The following CCIN variants were observed in gnomAD, a reference collection of about 807,000 sequenced individuals.
CCIN encodes the protein calicin.
Under a neutral mutation model 32.2 loss-of-function variants are expected in CCIN, and 15 were observed. The observed-to-expected ratio is 0.47, with a 90% CI of 0.31 to 0.72. The LOEUF (loss-of-function observed/expected upper bound fraction) is 0.72, where lower values mean the gene tolerates loss of function less well. CCIN is among the 30% of genes least tolerant of loss of function. The pLI is 0.05. For missense variants in CCIN, 623 were observed against 759.4 expected, an observed-to-expected ratio of 0.82 and a Z score of 2.11; for synonymous variants, 302 against 297.4, an observed-to-expected ratio of 1.02 and a Z score of -0.16.
In CCIN at chr9:36,170,729, G is replaced by A; in HGVS notation, c.1227G>A (p.Met409Ile). The change falls in exon 1 of 1, where the codon ATG (methionine) becomes ATA (isoleucine). Residue 409 changes from methionine to isoleucine, a missense_variant. Physicochemically the swap from Met to Ile is conservative, Grantham distance 10. Coordinates refer to ENST00000335119, the MANE Select transcript of CCIN (RefSeq NM_005893.3). ...AAGTCTGGTGCCTGGCAGGAAAGAT[G>A]AGCATCCCCATGGATGGCACCGCCG... ...RKEVWCLAGK[M>I]SIPMDGTAVI... The A allele has an allele frequency of 6.2e-7, 1 of 1,614,282 alleles. No homozygotes were observed.
chr9:36,170,534 A>C lies in CCIN; in HGVS notation c.1032A>C (p.Thr344=). The change falls in exon 1 of 1, where the codon ACA becomes ACC. Residue 344 remains threonine (T), a synonymous_variant. Coordinates refer to ENST00000335119, the MANE Select transcript of CCIN (RefSeq NM_005893.3). ...CTGAGCAGATTTCAGGGCTGAAGAC[A>C]GCCTGGCGGTATGACATGGATGACA... The part of the protein sequence containing the change: ...GTTEQISGLK[T]AWRYDMDDNS... 1 of 1,614,188 alleles carries C rather than the reference A, an allele frequency of 6.2e-7. No homozygotes were observed.
chr9:36,169,749 G>C lies in CCIN; in HGVS notation c.247G>C (p.Asp83His). 1 of 1,614,162 alleles carries C rather than the reference G, an allele frequency of 6.2e-7. No homozygotes were observed. Among genetic ancestry groups the C allele is most frequent in the Non-Finnish European group, 8.5e-7 (1 of 1,180,030 alleles). ...CAGTTACCTGAGCCCGGTCACAGTG[G>C]ACCAGCTTCTGGACTACTTCTATAG... is the stretch of plus-strand genomic sequence containing the variant. Reference protein sequence around the residue: ...DTSYLSPVTVDQLLDYFYSGK... With the variant: ...DTSYLSPVTVHQLLDYFYSGK... The change falls in exon 1 of 1, where the codon GAC becomes CAC. Residue 83 changes from aspartate (D) to histidine (H), a missense_variant. Coordinates refer to ENST00000335119, the MANE Select transcript of CCIN (RefSeq NM_005893.3).
At position 36,169,652 on chromosome 9, in the gene CCIN, C is replaced by T. The variant is rs766610144; in HGVS notation, c.150C>T (p.Ser50=). ...FAHRNVLAAV[S]PLVRSLISSN... ...ATCGCAATGTGCTGGCTGCTGTCTCCCCACTGGTGAGGAGCCTCATCTCCA... is the reference window on the plus strand; with the variant it reads ...ATCGCAATGTGCTGGCTGCTGTCTCTCCACTGGTGAGGAGCCTCATCTCCA... Residue 50 remains serine, a synonymous_variant, in exon 1 of 1, where the codon TCC becomes TCT. Transcript: ENST00000335119. 8.1e-6 allele frequency: 13 copies of T among 1,614,192 alleles called. No homozygotes were observed. The highest frequency in any genetic ancestry group is 1.1e-5 in the South Asian group (1 of 91,086).
Position 36,170,272 on chromosome 9 carries a change from T to C in CCIN, c.770T>C (p.Leu257Pro). The change falls in exon 1 of 1, where the codon CTG becomes CCG. Residue 257 changes from leucine (L) to proline (P), a missense_variant. By Grantham distance (98) the Leu-to-Pro change is moderately conservative. Transcript: ENST00000335119. ...SSHTTLIESV[L>P]MDRKQERPCS... ...CATACAACCCTGATTGAGAGTGTCC[T>C]GATGGACCGCAAGCAGGAGCGGCCA... 6.2e-7 allele frequency: 1 copy of C among 1,614,138 alleles called. No homozygotes were observed. The highest frequency in any genetic ancestry group is 1.1e-5 in the South Asian group (1 of 91,080).
At position 36,170,602 on chromosome 9, in the gene CCIN, T is replaced by C. The variant is rs1251308884; in HGVS notation, c.1100T>C (p.Phe367Ser). The part of the protein sequence containing the change: ...KLPDLPIGLV[F>S]HTMVTCGGTV... ...CCTGACCTGCCCATCGGGCTTGTCT[T>C]CCACACCATGGTGACCTGTGGGGGG... The change falls in exon 1 of 1, where the codon TTC (phenylalanine) becomes TCC (serine). Residue 367 changes from phenylalanine to serine, a missense_variant. Physicochemically the swap from Phe to Ser is radical, Grantham distance 155. Transcript: ENST00000335119. 6.2e-7 allele frequency: 1 copy of C among 1,614,028 alleles called. No homozygotes were observed. The highest frequency in any genetic ancestry group is 1.7e-5 in the Admixed American group (1 of 59,966).
chr9:36,171,110 C>T lies in CCIN; in HGVS notation c.1608C>T (p.Ala536=), dbSNP rs112488545. 688 of 1,614,170 alleles carry T rather than the reference C, an allele frequency of 4.3e-4. 4 individuals are homozygous for T. The African/African-American group carries it at 7.1e-3, about 17-fold the overall frequency. The stretch of plus-strand genomic sequence containing the variant: ...TTGTATGTGGGGGTGTCACCACTGC[C>T]AGCGATGTCCAGACAAAGGACTACA... The part of the protein sequence containing the change: ...KVFVCGGVTT[A]SDVQTKDYTI... Residue 536 remains alanine (A), a synonymous_variant, in exon 1 of 1, where the codon GCC becomes GCT. Coordinates refer to ENST00000335119, the MANE Select transcript of CCIN (RefSeq NM_005893.3).
rs1826305414 is a variant in CCIN, at chr9:36,170,836, T to A, written c.1334T>A (p.Val445Glu). Reference protein sequence around the residue: ...VKGYISRVGVVDCFDTSTGDV... With the variant: ...VKGYISRVGVEDCFDTSTGDV... The stretch of plus-strand genomic sequence containing the variant: ...GGTTATATCTCCCGGGTCGGGGTAG[T>A]GGACTGCTTTGACACCAGCACTGGG... The change falls in exon 1 of 1, where the codon GTG (valine) becomes GAG (glutamate). Residue 445 changes from valine to glutamate, a missense_variant. Transcript: ENST00000335119. The A allele has an allele frequency of 1.9e-6, 3 of 1,614,252 alleles. No homozygotes were observed. The highest frequency in any genetic ancestry group is 2.5e-6 in the Non-Finnish European group (3 of 1,180,044).
rs1385972178 is a variant in CCIN at position 36,171,117 on chromosome 9, G to A, written c.1615G>A (p.Val539Ile). ...TGGGGGTGTCACCACTGCCAGCGAT[G>A]TCCAGACAAAGGACTACACCATCAA... ...VCGGVTTASD[V>I]QTKDYTINPN... Residue 539 changes from valine (V) to isoleucine (I), a missense_variant, in exon 1 of 1, where the codon GTC (valine) becomes ATC (isoleucine). Val to Ile is a conservative substitution (Grantham distance 29, BLOSUM62 3). Transcript: ENST00000335119. The A allele has an allele frequency of 8.1e-6, 13 of 1,614,172 alleles. No homozygotes were observed. The highest frequency in any genetic ancestry group is 1.1e-5 in the Non-Finnish European group (13 of 1,180,014).
In CCIN at chr9:36,171,005, C is replaced by T. The variant is rs773964161; in HGVS notation, c.1503C>T (p.Thr501=). 1 of 1,614,210 alleles carries T rather than the reference C, an allele frequency of 6.2e-7. No homozygotes were observed. The change falls in exon 1 of 1, where the codon ACC becomes ACT. Residue 501 remains threonine, a synonymous_variant. Coordinates refer to ENST00000335119, the MANE Select transcript of CCIN (RefSeq NM_005893.3). ...NLQKVKASKT[T]TSVPVLPNSC... ...AGAAGGTGAAGGCAAGCAAGACGAC[C>T]ACCTCAGTGCCTGTCTTGCCCAACA...
Position 36,169,539 on chromosome 9 carries a change from T to C in CCIN, c.37T>C (p.Phe13Leu), listed in dbSNP as rs537923744. The C allele has an allele frequency of 1.9e-6, 3 of 1,614,210 alleles. No homozygotes were observed. The highest frequency in any genetic ancestry group is 2.7e-5 in the African/African-American group (2 of 75,038). The part of the protein sequence containing the change: ...LEFTEKNYNS[F>L]VLQNLNRQRK... ...ATTCACGGAGAAAAACTACAATAGC[T>C]TCGTGCTGCAGAACCTGAACAGACA... The change falls in exon 1 of 1, where the codon TTC (phenylalanine) becomes CTC (leucine). Residue 13 changes from phenylalanine (F) to leucine (L), a missense_variant. Coordinates refer to ENST00000335119, the MANE Select transcript of CCIN (RefSeq NM_005893.3).
rs1423162702 is a variant in CCIN at position 36,169,866 on chromosome 9, G to A, written c.364G>A (p.Asp122Asn). Reference protein sequence around the residue: ...NTPRLRVHCNDFLIKSICRAN... With the variant: ...NTPRLRVHCNNFLIKSICRAN... ...ACCACGCCTTCGAGTTCACTGTAAC[G>A]ACTTCCTTATTAAGTCCATCTGCCG... The change falls in exon 1 of 1, where the codon GAC (aspartate) becomes AAC (asparagine). Residue 122 changes from aspartate (D) to asparagine (N), a missense_variant. Transcript: ENST00000335119. The A allele has an allele frequency of 3.1e-6, 5 of 1,613,962 alleles. No individual in the cohort carries two copies. Among genetic ancestry groups the A allele is most frequent in the African/African-American group, 2.7e-5 (2 of 74,900 alleles).
At position 36,170,351 on chromosome 9, in the gene CCIN, C is replaced by T. The variant is rs1826294110; in HGVS notation, c.849C>T (p.Ile283=). The change falls in exon 1 of 1, where the codon ATC becomes ATT. Residue 283 remains isoleucine (I), a synonymous_variant. Transcript: ENST00000335119. ...RKGALLDSVV[I]LGGQKAHGQF... Reference sequence around the variant, plus strand: ...GGGCCCTGCTTGATTCCGTGGTCATCCTCGGTGGCCAGAAGGCCCACGGCC... The same window carrying T: ...GGGCCCTGCTTGATTCCGTGGTCATTCTCGGTGGCCAGAAGGCCCACGGCC... The T allele has an allele frequency of 6.2e-7, 1 of 1,614,074 alleles. No individual in the cohort carries two copies. Among genetic ancestry groups the T allele is most frequent in the African/African-American group, 1.3e-5 (1 of 74,958 alleles).
At position 36,171,334 on chromosome 9, in the gene CCIN, A is replaced by G; in HGVS notation, c.*65A>G. 6.5e-7 allele frequency: 1 copy of G among 1,549,446 alleles called. No homozygotes were observed. Among genetic ancestry groups the G allele is most frequent in the Admixed American group, 2.0e-5 (1 of 51,014 alleles). The stretch of plus-strand genomic sequence containing the variant: ...ACGATTTAATGAGAGAAAGAGAGGA[A>G]GATGGCCTGTTGTTTCCTTCTTAGT... On this transcript the variant is annotated 3_prime_UTR_variant, in exon 1 of 1. Coordinates refer to ENST00000335119, the MANE Select transcript of CCIN (RefSeq NM_005893.3).
chr9:36,170,447 T>A lies in CCIN; in HGVS notation c.945T>A (p.Tyr315Ter), dbSNP rs762270320. 6.2e-7 allele frequency: 1 copy of A among 1,614,010 alleles called. No homozygotes were observed. Among genetic ancestry groups the A allele is most frequent in the Non-Finnish European group, 8.5e-7 (1 of 1,180,060 alleles). Residue 315 changes from tyrosine (Y) to a stop codon, truncating the protein, a stop_gained, in exon 1 of 1, where the codon TAT becomes TAA. Transcript: ENST00000335119. LOFTEE classifies it high-confidence loss of function. ...GGATGAAGCTCTCAGACATGCCCTA[T>A]CGGGCAGCAGCACTTAGTGCCACCT... is the stretch of plus-strand genomic sequence containing the variant. ...NLWMKLSDMP[Y>*]RAAALSATSA...
In CCIN at chr9:36,170,210, C is replaced by T. The variant is rs1478755878; in HGVS notation, c.708C>T (p.Ala236=). Residue 236 remains alanine, a synonymous_variant, in exon 1 of 1, where the codon GCC becomes GCT. Transcript: ENST00000335119. ...TCTCCAATAAGACGCTGGTGTTTGC[C>T]AGCAACAAGCTGGTGGGCATGGAGA... ...NAVSNKTLVF[A]SNKLVGMENT... 6 of 1,614,178 alleles carry T rather than the reference C, an allele frequency of 3.7e-6. No homozygotes were observed. The highest frequency in any genetic ancestry group is 3.4e-6 in the Non-Finnish European group (4 of 1,180,034).
rs764013795 is a variant in CCIN at position 36,170,930 on chromosome 9, C to G, written c.1428C>G (p.Asp476Glu). The G allele has an allele frequency of 8.1e-6, 13 of 1,614,110 alleles. No individual in the cohort carries two copies. The Admixed American group carries it at 1.5e-4, about 19-fold the overall frequency. Residue 476 changes from aspartate (D) to glutamate (E), a missense_variant, in exon 1 of 1, where the codon GAC (aspartate) becomes GAG (glutamate). By Grantham distance (45) the Asp-to-Glu change is conservative. Coordinates refer to ENST00000335119, the MANE Select transcript of CCIN (RefSeq NM_005893.3). ...GGCCCCTGCTCTCTTTCCAACAGGA[C>G]AACATCCTCTGCGTGCACAGCCACC... ...NHRPLLSFQQDNILCVHSHRQ... is the reference protein window; with the variant it reads ...NHRPLLSFQQENILCVHSHRQ...
chr9:36,171,011 A>G lies in CCIN; in HGVS notation c.1509A>G (p.Ser503=). ...TGAAGGCAAGCAAGACGACCACCTCAGTGCCTGTCTTGCCCAACAGCTGCC... is the reference window on the plus strand; with the variant it reads ...TGAAGGCAAGCAAGACGACCACCTCGGTGCCTGTCTTGCCCAACAGCTGCC... The part of the protein sequence containing the change: ...QKVKASKTTT[S]VPVLPNSCPL... The change falls in exon 1 of 1, where the codon TCA becomes TCG. Residue 503 remains serine (S), a synonymous_variant. Coordinates refer to ENST00000335119, the MANE Select transcript of CCIN (RefSeq NM_005893.3). 1 of 1,614,260 alleles carries G rather than the reference A, an allele frequency of 6.2e-7. No individual in the cohort carries two copies. Among genetic ancestry groups the G allele is most frequent in the Non-Finnish European group, 8.5e-7 (1 of 1,180,050 alleles).
rs1409305202 is a variant in CCIN at position 36,171,321 on chromosome 9, GAGAA to G, written c.*56_*59del. 6.4e-7 allele frequency: 1 copy of G among 1,574,554 alleles called. No homozygotes were observed. Among genetic ancestry groups the G allele is most frequent in the East Asian group, 2.2e-5 (1 of 44,666 alleles). ...TGCATTATTATTCACGATTTAATGAGAGAAAGAGAGGAAGATGGCCTGTTGTTTC... is the reference window on the plus strand; with the variant it reads ...TGCATTATTATTCACGATTTAATGAGAGAGAGGAAGATGGCCTGTTGTTTC... On this transcript the variant is annotated 3_prime_UTR_variant, in exon 1 of 1. Coordinates refer to ENST00000335119, the MANE Select transcript of CCIN (RefSeq NM_005893.3).
In CCIN at chr9:36,170,144, G is replaced by A. The variant is rs765174285; in HGVS notation, c.642G>A (p.Lys214=). The A allele has an allele frequency of 1.2e-6, 2 of 1,614,256 alleles. No homozygotes were observed. Among genetic ancestry groups the A allele is most frequent in the East Asian group, 2.2e-5 (1 of 44,890 alleles). Residue 214 remains lysine, a synonymous_variant, in exon 1 of 1, where the codon AAG becomes AAA. Coordinates refer to ENST00000335119, the MANE Select transcript of CCIN (RefSeq NM_005893.3). The part of the protein sequence containing the change: ...WVYFRKEDRE[K]YFKKFFNYIN... Reference sequence around the variant, plus strand: ...ACTTCCGGAAGGAGGATCGGGAGAAGTATTTCAAGAAGTTCTTCAATTACA... The same window carrying A: ...ACTTCCGGAAGGAGGATCGGGAGAAATATTTCAAGAAGTTCTTCAATTACA...
Sources: allele counts gnomAD v4.1 joint callset, GRCh38; gene constraint gnomAD v4.1.1; transcripts MANE v1.5; gene names NCBI Gene and HGNC (gene_info 2026-07-23, HGNC 2026-07-21).